Variants in ASNSD1 observed in about 807,000 individuals in gnomAD.
ASNSD1 encodes the protein asparagine synthetase domain-containing protein 1.
ASNSD1 carries 36 observed loss-of-function variants against 48.3 expected under a neutral mutation model. That is an observed-to-expected ratio of 0.75 (90% CI 0.57 to 0.99). ASNSD1 has a LOEUF of 0.99. Ranked by LOEUF, ASNSD1 falls within the 50% of genes least tolerant of loss-of-function variation. The probability of loss-of-function intolerance (pLI) is 0.00; values close to 1 mark genes in which losing one functional copy is unlikely to be tolerated. For missense variants in ASNSD1, 714 were observed against 758.2 expected (o/e 0.94, Z 0.69); for synonymous variants, 257 against 262.1 (o/e 0.98, Z 0.19).
chr2:189,667,890 T>C lies in ASNSD1; in HGVS notation c.1591T>C (p.Ser531Pro). The C allele has an allele frequency of 6.2e-7, 1 of 1,613,960 alleles. No individual in the cohort carries two copies. The highest frequency in any genetic ancestry group is 1.7e-5 in the Admixed American group (1 of 59,962). ...AATGATGGAACTGGGTCGAATTTCTTCTAGAAATCTTGGTCGTGATGACAG... is the reference window on the plus strand; with the variant it reads ...AATGATGGAACTGGGTCGAATTTCTCCTAGAAATCTTGGTCGTGATGACAG... ...EIMMELGRIS[S>P]RNLGRDDRVI... Residue 531 changes from serine to proline, a missense_variant, in exon 5 of 6, where the codon TCT (serine) becomes CCT (proline). Ser to Pro is a moderately conservative substitution (Grantham distance 74). Transcript: ENST00000260952.
chr2:189,667,662 C>A, intron 4 of ASNSD1, 66 bp downstream of exon 4: 1 of 1,538,378 alleles, frequency 6.5e-7, no homozygotes, highest in South Asian at 1.3e-5. Flanking sequence ...AAGCTTTTAG[C>A]ATTTTGATTG....
intron 1 of ASNSD1, 66 bp from the exon 2 acceptor site, chr2:189,663,835 T>G (rs1017701788): frequency 2.7e-6 from 1 of 367,986 alleles, no homozygotes; most frequent in Non-Finnish European, 4.9e-6. Context: ...AACAACCCCT[T>G]AAGGGATTTT....
At chr2:189,665,608 A>ATATATATACATATATATATATG (rs2032775191) in intron 3 of ASNSD1, among the ~76,000 whole-genome samples, 157 bp downstream of exon 3, 7 of 13,382 alleles carry the variant, frequency 5.2e-4, no homozygotes, top group African/African-American at 9.9e-4. Flanking sequence ...GTATATATAT[A>ATATATATACATATATATATATG]TATATATATA....
At chr2:189,663,784 A>C in intron 1 of ASNSD1, 117 bp from the exon 2 acceptor site, 1 of 344,176 alleles carries the variant, frequency 2.9e-6, no homozygotes, top group Non-Finnish European at 5.3e-6. Flanking sequence ...CCGTTTGGAA[A>C]ACCAGTACAT....
Position 189,667,124 on chromosome 2 carries a change from AT to A in ASNSD1, c.994del (p.Ser332ProfsTer14), listed in dbSNP as rs569552019. The A allele has an allele frequency of 7.4e-6, 12 of 1,614,220 alleles. No homozygotes were observed. The highest frequency in any genetic ancestry group is 1.1e-5 in the South Asian group (1 of 91,082). On this transcript the variant is annotated frameshift_variant, in exon 4 of 6. Transcript: ENST00000260952. LOFTEE classifies it high-confidence loss of function. The stretch of plus-strand genomic sequence containing the variant: ...GCAATCCTGTTTTCTGGGGGCATTG[AT>A]TCCATGGTTATTGCAACCCTTGCTG... ...NVAILFSGGI[D>X]SMVIATLADR... is the part of the protein sequence containing the mutation.
chr2:189,661,935 C>T (rs2032674737), intron 1 of ASNSD1, among the ~76,000 whole-genome samples: 1 of 152,178 alleles, frequency 6.6e-6, no homozygotes. Context: ...CAAAGATATT[C>T]TCCATCCAGT....
At position 189,665,403 on chromosome 2, in the gene ASNSD1, A is replaced by C. The variant is rs148109339; in HGVS notation, c.-141A>C. 2.7e-3 allele frequency: 1,088 copies of C among 397,746 alleles called. 18 individuals carry two copies. The highest frequency in any genetic ancestry group is 0.02 in the African/African-American group (961 of 48,536). 24.6% of individuals were successfully genotyped at this position (397,746 alleles called of 1,614,324 possible). A position where few individuals can be genotyped will look rare whatever the true frequency, so the allele number is the denominator to read the frequency against. ...AGTATATAGGCAACAACAGAACAGC[A>C]ATATATTCTTTCTTGCAGACCGAAC... On this transcript the variant is annotated 5_prime_UTR_variant, in exon 3 of 6. Coordinates refer to ENST00000260952, the MANE Select transcript of ASNSD1 (RefSeq NM_019048.4).
chr2:189,670,295 T>G, intron 5 of ASNSD1, 146 bp from the exon 6 acceptor site: 20 of 568,758 alleles, frequency 3.5e-5, no homozygotes, highest in East Asian at 6.3e-5. Flanking sequence ...ATTTATTTAT[T>G]GAGATTTAGA....
intron 1 of ASNSD1, among the ~76,000 whole-genome samples, chr2:189,662,472 C>A (rs2032690134): frequency 6.6e-6 from 1 of 152,174 alleles, no homozygotes; most frequent in Admixed American, 6.5e-5. Flanking sequence ...TGTTAAGTCT[C>A]AAAGAATGTT....
Position 189,667,174 on chromosome 2 carries a change from C to A in ASNSD1, c.1042C>A (p.Pro348Thr). ...LADRHIPLDE[P>T]IDLLNVAFIA... ...TGACCGTCATATTCCTTTAGATGAA[C>A]CAATTGATCTTCTTAATGTAGCTTT... is the stretch of plus-strand genomic sequence containing the variant. The change falls in exon 4 of 6, where the codon CCA (proline) becomes ACA (threonine). Residue 348 changes from proline to threonine, a missense_variant. Physicochemically the swap from Pro to Thr is conservative, Grantham distance 38 (BLOSUM62 -1). Coordinates refer to ENST00000260952, the MANE Select transcript of ASNSD1 (RefSeq NM_019048.4). 6.2e-7 allele frequency: 1 copy of A among 1,614,120 alleles called. No homozygotes were observed. Among genetic ancestry groups the A allele is most frequent in the Non-Finnish European group, 8.5e-7 (1 of 1,180,010 alleles).
intron 3 of ASNSD1, among the ~76,000 whole-genome samples, 185 bp downstream of exon 3, chr2:189,665,636 A>ATG (rs1559034517): frequency 9.1e-6 from 1 of 110,418 alleles, no homozygotes; most frequent in Non-Finnish European, 1.9e-5. Flanking sequence ...ATATATATAT[A>ATG]TATATATATA....
In ASNSD1 at chr2:189,667,057, G is replaced by A; in HGVS notation, c.925G>A (p.Ala309Thr). The change falls in exon 4 of 6, where the codon GCA becomes ACA. Residue 309 changes from alanine to threonine, a missense_variant. Coordinates refer to ENST00000260952, the MANE Select transcript of ASNSD1 (RefSeq NM_019048.4). The stretch of plus-strand genomic sequence containing the variant: ...TTTACCTAGGGATGAAAACCTGACA[G>A]CAAATGAAGTTTTGAAAACGTGTGA... ...LCLPRDENLTANEVLKTCDRK... is the reference protein window; with the variant it reads ...LCLPRDENLTTNEVLKTCDRK... 6.2e-7 allele frequency: 1 copy of A among 1,614,054 alleles called. No homozygotes were observed. The highest frequency in any genetic ancestry group is 8.5e-7 in the Non-Finnish European group (1 of 1,179,974).
At chr2:189,665,921 A>G in intron 3 of ASNSD1, 120 bp from the exon 4 acceptor site, 1 of 474,772 alleles carries the variant, frequency 2.1e-6, no homozygotes, top group Admixed American at 3.8e-5. Context: ...TGGTACTGGC[A>G]CAGTGTGTGT....
intron 1 of ASNSD1, 22 bp from the exon 2 acceptor site, chr2:189,663,876 AAGG>A: frequency 2.6e-6 from 1 of 385,436 alleles, no homozygotes; most frequent in Middle Eastern, 6.7e-4. Context: ...CATCTGACTT[AAGG>A]AGTTTTTCTT....
intron 2 of ASNSD1, 68 bp from the exon 3 acceptor site, chr2:189,665,308 G>C (rs954599626): frequency 6.2e-5 from 24 of 384,934 alleles, no homozygotes; most frequent in African/African-American, 4.8e-4. Flanking sequence ...AGTGATAATA[G>C]GGTTTAAGGA....
intron 5 of ASNSD1, among the ~76,000 whole-genome samples, chr2:189,668,902 G>A (rs1028471654): frequency 3.3e-5 from 5 of 152,210 alleles, no homozygotes; most frequent in Admixed American, 3.3e-4. Context: ...AAAACATTAA[G>A]TAAGGATAAA....
rs199846958 is a variant in ASNSD1, at chr2:189,667,310, C to G, written c.1178C>G (p.Ala393Gly). 185 of 1,614,018 alleles carry G rather than the reference C, an allele frequency of 1.1e-4. 1 individual carries two copies. Among genetic ancestry groups the G allele is most frequent in the Non-Finnish European group, 1.3e-4 (148 of 1,180,024 alleles). ...EEFSKDVAAAAADSPNKHVSV... is the reference protein window; with the variant it reads ...EEFSKDVAAAGADSPNKHVSV... ...TTCTCTAAAGATGTTGCTGCTGCTG[C>G]TGCTGACAGTCCTAATAAACATGTC... Residue 393 changes from alanine (A) to glycine (G), a missense_variant, in exon 4 of 6, where the codon GCT becomes GGT. By Grantham distance (60) the Ala-to-Gly change is moderately conservative. Transcript: ENST00000260952.
At position 189,669,060 on chromosome 2, in the gene ASNSD1, C is replaced by CCT. The variant is rs139232071; in HGVS notation, c.1646+1132_1646+1133dup. Among the ~76,000 whole-genome samples the CCT allele has an allele frequency of 4.0e-3, 593 of 150,068 alleles. 4 individuals are homozygous for CCT. Among genetic ancestry groups the CCT allele is most frequent in the African/African-American group, 0.013 (519 of 41,108 alleles). ...AATTAAACATACTACACTTTCTCTC[C>CCT]CTCTCTCTCTCTCTCTCTTTGACTT... On this transcript the variant is annotated intron_variant, in intron 5 of 5. Coordinates refer to ENST00000260952, the MANE Select transcript of ASNSD1 (RefSeq NM_019048.4).
At chr2:189,663,031 A>G (rs2105681769) in intron 1 of ASNSD1, among the ~76,000 whole-genome samples, 1 of 152,012 alleles carries the variant, frequency 6.6e-6, no homozygotes, top group Non-Finnish European at 1.5e-5. Flanking sequence ...AAAAATACCA[A>G]GATGGAACAT....
Sources: allele counts gnomAD v4.1 joint callset (sites outside exome capture counted in the v4.1 genomes callset), GRCh38; gene constraint gnomAD v4.1.1; transcripts MANE v1.5; gene names NCBI Gene and HGNC (gene_info 2026-07-23, HGNC 2026-07-21).